The following SLC25A24 variants were observed in gnomAD, a reference collection of about 807,000 sequenced individuals.
The protein encoded by SLC25A24 is mitochondrial adenyl nucleotide antiporter SLC25A24.
A neutral mutation model predicts 60.7 loss-of-function variants in SLC25A24; 49 were observed. The ratio of observed to expected loss-of-function variants is 0.81; its 90% CI spans 0.64 to 1.02. The LOEUF is 1.02. Among genes scored for constraint, SLC25A24 ranks in the 50% least tolerant of loss-of-function variants. SLC25A24 has a pLI of 0.00. For missense variants in SLC25A24, 564 were observed against 586.3 expected (o/e 0.96, Z 0.39); for synonymous variants, 202 against 200.6 (o/e 1.01, Z -0.06).
chr1:108,143,462 T>C, intron 8 of SLC25A24, 81 bp downstream of exon 8: 1 of 1,173,994 alleles, frequency 8.5e-7, no homozygotes, highest in South Asian at 1.5e-5. Context: ...TTTTCTGGTA[T>C]ATATCTACTT....
At chr1:108,163,520 A>G (rs1214352675) in intron 3 of SLC25A24, among the ~76,000 whole-genome samples, 1 of 151,686 alleles carries the variant, frequency 6.6e-6, no homozygotes, top group Non-Finnish European at 1.5e-5. Context: ...CATCCCTTGT[A>G]AGTTGGATTC....
chr1:108,139,258 C>A, intron 8 of SLC25A24, 50 bp from the exon 9 acceptor site: 2 of 1,525,920 alleles, frequency 1.3e-6, no homozygotes, highest in Admixed American at 2.0e-5. Context: ...ACAACTTCAA[C>A]GTAAACATTT....
intron 8 of SLC25A24, 147 bp from the exon 9 acceptor site, chr1:108,139,355 G>A (rs745500136): frequency 3.3e-5 from 27 of 813,332 alleles, no homozygotes; most frequent in Non-Finnish European, 4.2e-5. Flanking sequence ...TGCAGGAGGC[G>A]GTGACTCTGT....
At chr1:108,142,007 T>G (rs182255181) in intron 8 of SLC25A24, among the ~76,000 whole-genome samples, 186 of 152,366 alleles carry the variant, frequency 1.2e-3, no homozygotes, top group African/African-American at 4.1e-3. Context: ...CTTTATGTTA[T>G]GTGTTTTTAA....
chr1:108,161,153 A>G (rs1255265256), intron 4 of SLC25A24, 29 bp downstream of exon 4: 7 of 1,206,536 alleles, frequency 5.8e-6, no homozygotes, highest in Non-Finnish European at 8.6e-6. Flanking sequence ...ATAGCTCCAA[A>G]TAAGTATAAA....
intron 4 of SLC25A24, 149 bp downstream of exon 4, chr1:108,161,033 T>C (rs370516225): frequency 1.1e-5 from 6 of 529,714 alleles, no homozygotes; most frequent in Non-Finnish European, 1.3e-5. Flanking sequence ...TATAAATCTA[T>C]GCCTAATAGA....
intron 3 of SLC25A24, among the ~76,000 whole-genome samples, chr1:108,169,157 T>C (rs777548445): frequency 4.6e-5 from 7 of 152,206 alleles, no homozygotes; most frequent in Non-Finnish European, 7.3e-5. Context: ...CTCTATTATG[T>C]TTCACTTGTT....
chr1:108,148,905 C>T (rs757537931), intron 6 of SLC25A24, among the ~76,000 whole-genome samples: 2 of 152,188 alleles, frequency 1.3e-5, no homozygotes, highest in Non-Finnish European at 2.9e-5. Context: ...AGCAGAAGAG[C>T]AAGGCCTAAA....
intron 3 of SLC25A24, among the ~76,000 whole-genome samples, chr1:108,167,988 C>T (rs998272275): frequency 6.6e-6 from 1 of 151,978 alleles, no homozygotes; most frequent in African/African-American, 2.4e-5. Flanking sequence ...TGTTTTATTC[C>T]CTTCCTTGGG....
chr1:108,149,536 T>C (rs1679699448), intron 6 of SLC25A24, among the ~76,000 whole-genome samples: 1 of 152,218 alleles, frequency 6.6e-6, no homozygotes, highest in Non-Finnish European at 1.5e-5. Flanking sequence ...AAATGTTCAG[T>C]AGATGTTATT....
In SLC25A24 at chr1:108,192,015, A is replaced by C. The variant is rs1326245189; in HGVS notation, c.184-6061T>G. Among the ~76,000 whole-genome samples the C allele has an allele frequency of 2.2e-5, 3 of 138,786 alleles. 1 individual carries two copies. The highest frequency in any genetic ancestry group is 4.7e-5 in the Non-Finnish European group (3 of 63,556). 91.0% of individuals were successfully genotyped at this position (138,786 alleles called of 152,430 possible). A position where few individuals can be genotyped will look rare whatever the true frequency, so the allele number is the denominator to read the frequency against. On this transcript the variant is annotated intron_variant, in intron 1 of 9. Coordinates refer to ENST00000565488, the MANE Select transcript of SLC25A24 (RefSeq NM_013386.5). ...AGGCATATTATGAGGAAACCTCAGC[A>C]CTAGTGAAACCCGAGAGTAAAAGCC...
intron 4 of SLC25A24, among the ~76,000 whole-genome samples, chr1:108,160,546 G>A (rs561964322): frequency 2.0e-5 from 3 of 152,152 alleles, no homozygotes; most frequent in African/African-American, 7.2e-5. Context: ...CCCAGACGGG[G>A]TGGCGGCTGG....
At chr1:108,167,619 C>T (rs1456065754) in intron 3 of SLC25A24, among the ~76,000 whole-genome samples, 1 of 152,226 alleles carries the variant, frequency 6.6e-6, no homozygotes, top group African/African-American at 2.4e-5. Context: ...TTGCACTTCC[C>T]GAGTGAGGCA....
intron 6 of SLC25A24, among the ~76,000 whole-genome samples, chr1:108,149,667 C>T (rs558963619): frequency 6.6e-6 from 1 of 152,220 alleles, no homozygotes; most frequent in Non-Finnish European, 1.5e-5. Flanking sequence ...GTGAGGGGGT[C>T]TCCAGAGGTA....
rs55849370 is a variant in SLC25A24 at position 108,138,546 on chromosome 1, C to CGG, written c.1249+511_1249+512insCC. Among the ~76,000 whole-genome samples the CGG allele has an allele frequency of 9.8e-5, 15 of 152,318 alleles. No individual in the cohort carries two copies. The South Asian group carries it at 2.1e-3, about 21-fold the overall frequency. On this transcript the variant is annotated intron_variant, in intron 9 of 9. Coordinates refer to ENST00000565488, the MANE Select transcript of SLC25A24 (RefSeq NM_013386.5). ...GTGTAATCAAAGCCAACAATGGAGA[C>CGG]TGTCACAGTGAGGAGGAATCACAGC...
intron 4 of SLC25A24, among the ~76,000 whole-genome samples, chr1:108,160,016 G>A (rs1343640551): frequency 6.6e-6 from 1 of 151,404 alleles, no homozygotes; most frequent in East Asian, 2.0e-4. Flanking sequence ...CGGGCAGAGG[G>A]GCTCCTCACT....
rs1356984712 is a variant in SLC25A24 at position 108,136,765 on chromosome 1, G to A, written c.1322C>T (p.Pro441Leu). The change falls in exon 10 of 10, where the codon CCA becomes CTA. Residue 441 changes from proline (P) to leucine (L), a missense_variant. Transcript: ENST00000565488. ...FRRIISKEGI[P>L]GLYRGITPNF... ...TGGGGTGATGCCTCTGTAAAGTCCT[G>A]GTATTCCTTCTTTGGAAATAATTCG... is the stretch of plus-strand genomic sequence containing the variant. 1.2e-6 allele frequency: 2 copies of A among 1,613,972 alleles called. No homozygotes were observed. Among genetic ancestry groups the A allele is most frequent in the Non-Finnish European group, 1.7e-6 (2 of 1,179,922 alleles).
At chr1:108,190,817 A>G (rs1648323086) in intron 1 of SLC25A24, among the ~76,000 whole-genome samples, 1 of 136,730 alleles carries the variant, frequency 7.3e-6, no homozygotes, top group Admixed American at 8.4e-5. Context: ...CCACTTGAGG[A>G]AAAGTCACAA....
At position 108,181,981 on chromosome 1, in the gene SLC25A24, G is replaced by A; in HGVS notation, c.358C>T (p.Leu120=). 3 of 1,613,070 alleles carry A rather than the reference G, an allele frequency of 1.9e-6. No individual in the cohort carries two copies. The highest frequency in any genetic ancestry group is 2.2e-5 in the South Asian group (2 of 90,944). ...TCTGCTTGTTGTTCAGAAATAGTCAGACCCAGTGTCTGGAGAGACTGGACA... is the reference window on the plus strand; with the variant it reads ...TCTGCTTGTTGTTCAGAAATAGTCAAACCCAGTGTCTGGAGAGACTGGACA... ...EIVQSLQTLG[L]TISEQQAELI... The change falls in exon 3 of 10, where the codon CTG becomes TTG. Residue 120 remains leucine (L), a synonymous_variant. Coordinates refer to ENST00000565488, the MANE Select transcript of SLC25A24 (RefSeq NM_013386.5).
Sources: allele counts gnomAD v4.1 joint callset (sites outside exome capture counted in the v4.1 genomes callset), GRCh38; gene constraint gnomAD v4.1.1; transcripts MANE v1.5; gene names NCBI Gene and HGNC (gene_info 2026-07-23, HGNC 2026-07-21).